RBFOX1: variants seen among roughly 807,000 people sequenced by gnomAD.
RBFOX1 encodes RNA binding fox-1 homolog 1.
RBFOX1 carries 8 observed loss-of-function variants against 57.7 expected under a neutral mutation model. That is an observed-to-expected ratio of 0.14 (90% CI 0.08 to 0.25). The LOEUF (loss-of-function observed/expected upper bound fraction) is 0.25. Ranked by LOEUF, RBFOX1 falls within the 10% of genes least tolerant of loss-of-function variation. The probability of loss-of-function intolerance (pLI) is 1.00; values close to 1 mark genes in which losing one functional copy is unlikely to be tolerated. For missense variants in RBFOX1, 611 were observed against 548.5 expected (o/e 1.11, Z -1.14); for synonymous variants, 326 against 222.4 (o/e 1.47, Z -4.15).
At chr16:6,288,619 T>G (rs1173131418) in intron 1 of RBFOX1, among the ~76,000 whole-genome samples, 1 of 152,180 alleles carries the variant, frequency 6.6e-6, no homozygotes, top group Non-Finnish European at 1.5e-5. Context: ...TTGTCTGAGT[T>G]GCACTTCTGG....
At chr16:6,712,720 C>A (rs1313793427) in intron 3 of RBFOX1, among the ~76,000 whole-genome samples, 1 of 152,064 alleles carries the variant, frequency 6.6e-6, no homozygotes, top group Non-Finnish European at 1.5e-5. Flanking sequence ...CACTTCTCCC[C>A]ACCTCCCCTC....
intron 3 of RBFOX1, among the ~76,000 whole-genome samples, chr16:6,736,765 G>A (rs755348294): frequency 5.9e-5 from 9 of 152,204 alleles, no homozygotes; most frequent in East Asian, 1.9e-4. Context: ...AGGACAGGTT[G>A]TGATTTGTAG....
intron 3 of RBFOX1, among the ~76,000 whole-genome samples, chr16:5,846,590 G>A (rs2056763462): frequency 6.6e-6 from 1 of 152,214 alleles, no homozygotes. Flanking sequence ...CAGCCAGTGA[G>A]CTGTGGAGCT....
At chr16:7,070,170 G>C (rs1598652856) in intron 4 of RBFOX1, among the ~76,000 whole-genome samples, 1 of 152,300 alleles carries the variant, frequency 6.6e-6, no homozygotes, top group South Asian at 2.1e-4. Flanking sequence ...AAAAACTTGA[G>C]TTTGGCTCAC....
intron 3 of RBFOX1, among the ~76,000 whole-genome samples, chr16:6,903,488 A>G (rs961321426): frequency 6.6e-6 from 1 of 152,188 alleles, no homozygotes; most frequent in Admixed American, 6.5e-5. Context: ...AGTGTTCAGC[A>G]AGTGCTGGTA....
At chr16:5,444,490 G>A (rs2068181358) in intron 1 of RBFOX1, among the ~76,000 whole-genome samples, 1 of 152,166 alleles carries the variant, frequency 6.6e-6, no homozygotes, top group South Asian at 2.1e-4. Context: ...ATTTTCTTGT[G>A]CTAGGCAGAC....
chr16:7,267,112 A>G (rs982405321), intron 4 of RBFOX1, among the ~76,000 whole-genome samples: 1 of 152,192 alleles, frequency 6.6e-6, no homozygotes, highest in Non-Finnish European at 1.5e-5. Context: ...AGTGTTACCT[A>G]TTAAATGCAA....
chr16:5,909,187 G>T (rs556409549), intron 4 of RBFOX1, among the ~76,000 whole-genome samples: 1 of 145,122 alleles, frequency 6.9e-6, no homozygotes. Flanking sequence ...CCGCCTCCCG[G>T]GTTCACGCCA....
chr16:7,457,884 T>C (rs576988765), intron 4 of RBFOX1, among the ~76,000 whole-genome samples: 1 of 152,178 alleles, frequency 6.6e-6, no homozygotes, highest in African/African-American at 2.4e-5. Flanking sequence ...CCCTCCCCAA[T>C]ACTCTAATGT....
chr16:5,630,077 A>G (rs924827439), intron 3 of RBFOX1, among the ~76,000 whole-genome samples: 3 of 152,144 alleles, frequency 2.0e-5, no homozygotes, highest in African/African-American at 2.4e-5. Flanking sequence ...CTTTCCACCT[A>G]TCTTTATCCA....
At chr16:6,769,384 A>G (rs1441841527) in intron 3 of RBFOX1, among the ~76,000 whole-genome samples, 1 of 152,222 alleles carries the variant, frequency 6.6e-6, no homozygotes, top group African/African-American at 2.4e-5. Context: ...TGTCTTTATC[A>G]GCAGCATGAA....
In RBFOX1 at chr16:5,471,923, G is replaced by A. The variant is rs191709204; in HGVS notation, c.258+4669G>A. On this transcript the variant is annotated intron_variant, in intron 2 of 2. Transcript: ENST00000585867. ...CTCAGCCCCGCTTCATGCAGCATGGGTGGAAAAAAGTGTGTTTTTGGCTGG... is the reference window on the plus strand; with the variant it reads ...CTCAGCCCCGCTTCATGCAGCATGGATGGAAAAAAGTGTGTTTTTGGCTGG... 2.8e-3 allele frequency among the ~76,000 whole-genome samples: 421 copies of A among 152,268 alleles called. 1 individual carries two copies. Among genetic ancestry groups the A allele is most frequent in the Middle Eastern group, 0.017 (5 of 294 alleles).
intron 4 of RBFOX1, among the ~76,000 whole-genome samples, chr16:5,907,478 C>T (rs1209621844): frequency 6.6e-6 from 1 of 152,180 alleles, no homozygotes; most frequent in Non-Finnish European, 1.5e-5. Flanking sequence ...TTGTGATCCA[C>T]ATCTGTCTCC....
At chr16:6,383,317 A>T (rs2091979340) in intron 2 of RBFOX1, among the ~76,000 whole-genome samples, 1 of 152,224 alleles carries the variant, frequency 6.6e-6, no homozygotes, top group African/African-American at 2.4e-5. Flanking sequence ...CCTCTTTGTC[A>T]GAAAACCTAT....
intron 14 of RBFOX1, among the ~76,000 whole-genome samples, chr16:7,691,147 CA>C (rs942881835): frequency 1.3e-5 from 2 of 151,794 alleles, no homozygotes; most frequent in African/African-American, 2.4e-5. Flanking sequence ...ATGGATACGT[CA>C]AAAAAATACT....
chr16:5,856,559 G>GTA (rs770705510), intron 3 of RBFOX1, among the ~76,000 whole-genome samples: 2,438 of 51,246 alleles, frequency 0.048, 68 homozygotes, highest in African/African-American at 0.1. Flanking sequence ...GTGTGTGTGT[G>GTA]TGTATGTGTG....
intron 2 of RBFOX1, among the ~76,000 whole-genome samples, chr16:6,324,967 A>G (rs1268842444): frequency 6.6e-6 from 1 of 152,218 alleles, no homozygotes; most frequent in Non-Finnish European, 1.5e-5. Context: ...TAGGTTTGCA[A>G]CTAAATCAGT....
At chr16:6,744,306 T>C (rs2154185331) in intron 3 of RBFOX1, among the ~76,000 whole-genome samples, 1 of 152,198 alleles carries the variant, frequency 6.6e-6, no homozygotes, top group Non-Finnish European at 1.5e-5. Flanking sequence ...AGCTAGAAAA[T>C]TATTAAATAT....
chr16:6,524,706 G>A (rs1316755435), intron 2 of RBFOX1, among the ~76,000 whole-genome samples: 1 of 152,174 alleles, frequency 6.6e-6, no homozygotes, highest in Non-Finnish European at 1.5e-5. Context: ...CATGCTCCCT[G>A]TGAGGGCTCT....
Sources: gnomAD v4.1 joint callset for allele counts (sites outside exome capture counted in the v4.1 genomes callset) on GRCh38, gnomAD v4.1.1 for gene constraint, MANE v1.5 for transcripts, NCBI Gene and HGNC (gene_info 2026-07-23, HGNC 2026-07-21) for gene names.